SLC6A9: variants seen among roughly 807,000 people sequenced by gnomAD.
The protein encoded by SLC6A9 is sodium- and chloride-dependent glycine transporter 1.
In SLC6A9, 31 loss-of-function variants were observed where a neutral mutation model predicts 70.9. The observed-to-expected ratio is 0.44, with a 90% CI of 0.33 to 0.59. The LOEUF (loss-of-function observed/expected upper bound fraction) is 0.59, where lower values mean the gene tolerates loss of function less well. Ranked by LOEUF, SLC6A9 falls within the 20% of genes least tolerant of loss-of-function variation. SLC6A9 has a pLI of 0.04. For synonymous variants in SLC6A9, 310 were observed against 341.3 expected (o/e 0.91, Z 1.01); for missense variants, 631 against 845.2 (o/e 0.75, Z 3.14).
In SLC6A9 at chr1:44,009,151, C is replaced by T. The variant is rs112823011; in HGVS notation, c.320-528G>A. Among the ~76,000 whole-genome samples the T allele has an allele frequency of 3.3e-5, 5 of 151,520 alleles. No individual in the cohort carries two copies. The East Asian group carries it at 5.8e-4, about 18-fold the overall frequency. On this transcript the variant is annotated intron_variant, in intron 4 of 13. Transcript: ENST00000372310. Reference sequence around the variant, plus strand: ...AAGCGATTCTCCTGCCTCAGCCTCCCGAGTAGCTGGGATTAGAGGCATGCG... The same window carrying T: ...AAGCGATTCTCCTGCCTCAGCCTCCTGAGTAGCTGGGATTAGAGGCATGCG...
intron 5 of SLC6A9, among the ~76,000 whole-genome samples, chr1:44,004,434 C>T (rs934829261): frequency 1.3e-5 from 2 of 152,208 alleles, no homozygotes; most frequent in Admixed American, 1.3e-4. Flanking sequence ...CAGCCTCGAC[C>T]TCCCAGTCTC....
At chr1:44,005,399 G>A (rs564963991) in intron 5 of SLC6A9, among the ~76,000 whole-genome samples, 4 of 152,172 alleles carry the variant, frequency 2.6e-5, no homozygotes, top group South Asian at 2.1e-4. Context: ...AGCTTCTCTC[G>A]CTTTAGAGTC....
At position 44,002,476 on chromosome 1, in the gene SLC6A9, C is replaced by T. The variant is rs1163624162; in HGVS notation, c.858+36G>A. On this transcript the variant is annotated intron_variant, in intron 7 of 13. Coordinates refer to ENST00000372310, the MANE Select transcript of SLC6A9 (RefSeq NM_001024845.3). This position sits in a 1 kb window ranked among gnomAD's most constrained non-coding sequence, Gnocchi z 5.5. ...GCAGAGGCAGGCACCTCCCTGGCCC[C>T]TCCCCAGCCCCCTTCCGGTTTCCCT... The T allele has an allele frequency of 1.2e-6, 2 of 1,613,926 alleles. No homozygotes were observed. The highest frequency in any genetic ancestry group is 1.7e-6 in the Non-Finnish European group (2 of 1,179,840).
rs530129206 is a variant in SLC6A9 at position 44,014,466 on chromosome 1, C to T, written c.31-3584G>A. On this transcript the variant is annotated intron_variant, in intron 2 of 13. Coordinates refer to ENST00000372310, the MANE Select transcript of SLC6A9 (RefSeq NM_001024845.3). ...ACACATATACACCCATACACACACACACACACCCCTCAGATGTTCCCTTAC... is the reference window on the plus strand; with the variant it reads ...ACACATATACACCCATACACACACATACACACCCCTCAGATGTTCCCTTAC... Among the ~76,000 whole-genome samples, 17 of 152,198 alleles carry T rather than the reference C, an allele frequency of 1.1e-4. No homozygotes were observed. In the South Asian group the frequency reaches 3.5e-3, roughly 32 times the overall value.
In SLC6A9 at chr1:43,998,241, G is replaced by T. The variant is rs1489914667; in HGVS notation, c.1537-216C>A. 5.9e-5 allele frequency among the ~76,000 whole-genome samples: 9 copies of T among 152,228 alleles called. No individual in the cohort carries two copies. In the South Asian group the frequency reaches 1.7e-3, roughly 28 times the overall value. ...TGGGAAGGCTCTGCGGAAGGGAGAA[G>T]TCTGTCTTTGCCACAGTCCTGAACT... On this transcript the variant is annotated intron_variant, in intron 12 of 13. Coordinates refer to ENST00000372310, the MANE Select transcript of SLC6A9 (RefSeq NM_001024845.3).
intron 5 of SLC6A9, among the ~76,000 whole-genome samples, chr1:44,007,414 C>T (rs1450826469): frequency 1.3e-5 from 2 of 152,206 alleles, no homozygotes; most frequent in African/African-American, 4.8e-5. Flanking sequence ...CCCCAAAGCC[C>T]TCTGCCCAGG....
chr1:44,008,984 T>A (rs1212483802), intron 4 of SLC6A9, among the ~76,000 whole-genome samples: 1 of 149,250 alleles, frequency 6.7e-6, no homozygotes, highest in Non-Finnish European at 1.5e-5. Context: ...CCTCCCGAAG[T>A]GCTGGGATTA....
At position 44,010,002 on chromosome 1, in the gene SLC6A9, C is replaced by A; in HGVS notation, c.282G>T (p.Gly94=). The A allele has an allele frequency of 6.2e-7, 1 of 1,614,086 alleles. No individual in the cohort carries two copies. The highest frequency in any genetic ancestry group is 8.5e-7 in the Non-Finnish European group (1 of 1,179,968). Residue 94 remains glycine (G), a synonymous_variant, in exon 4 of 14, where the codon GGG becomes GGT. Coordinates refer to ENST00000372310, the MANE Select transcript of SLC6A9 (RefSeq NM_001024845.3). ...ELSFGQFASQ[G]CLGVWRISPM... is the part of the protein sequence containing the mutation. ...GGCTGATCCTCCAGACCCCCAGGCACCCCTGGCTTGCAAACTGGCCGAAGG... is the reference window on the plus strand; with the variant it reads ...GGCTGATCCTCCAGACCCCCAGGCAACCCTGGCTTGCAAACTGGCCGAAGG...
At position 43,997,648 on chromosome 1, in the gene SLC6A9, G is replaced by A. The variant is rs764173227; in HGVS notation, c.1799C>T (p.Ser600Phe). Residue 600 changes from serine (S) to phenylalanine (F), a missense_variant, in exon 14 of 14, where the codon TCT becomes TTT. Ser to Phe is a radical substitution (Grantham distance 155, BLOSUM62 -2). Transcript: ENST00000372310. This position sits in a 1 kb window ranked among gnomAD's most constrained non-coding sequence, Gnocchi z 4.4. Reference protein sequence around the residue: ...TGRYAPTIAPSPEDGFEVQPL... With the variant: ...TGRYAPTIAPFPEDGFEVQPL... ...CTGGACCTCGAAGCCGTCCTCAGGAGAGGGGGCTATGGTGGGGGCGTAGCG... is the reference window on the plus strand; with the variant it reads ...CTGGACCTCGAAGCCGTCCTCAGGAAAGGGGGCTATGGTGGGGGCGTAGCG... 3 of 1,614,066 alleles carry A rather than the reference G, an allele frequency of 1.9e-6. No homozygotes were observed. Among genetic ancestry groups the A allele is most frequent in the Admixed American group, 3.3e-5 (2 of 60,004 alleles).
intron 12 of SLC6A9, among the ~76,000 whole-genome samples, 155 bp from the exon 13 acceptor site, chr1:43,998,180 A>G (rs1230377595): frequency 1.3e-5 from 2 of 152,212 alleles, no homozygotes; most frequent in African/African-American, 4.8e-5. Context: ...GGGCCGTGGA[A>G]GAAGCAGGCA....
In SLC6A9 at chr1:44,002,787, C is replaced by T; in HGVS notation, c.723+66G>A. On this transcript the variant is annotated intron_variant, in intron 6 of 13. Transcript: ENST00000372310. This position sits in a 1 kb window ranked among gnomAD's most constrained non-coding sequence, Gnocchi z 5.5. ...CAGCATCCCCTCCCTGCAATACACA[C>T]ATAACCCAGGTAGGGGGCAGGGTCT... 1 of 1,602,572 alleles carries T rather than the reference C, an allele frequency of 6.2e-7. No individual in the cohort carries two copies. Among genetic ancestry groups the T allele is most frequent in the Non-Finnish European group, 8.5e-7 (1 of 1,170,852 alleles).
intron 2 of SLC6A9, chr1:44,017,446 C>T (rs1278675833): frequency 5.1e-6 from 5 of 971,052 alleles, no homozygotes; most frequent in African/African-American, 1.8e-5. Flanking sequence ...GGCTCACTCC[C>T]CCCACGGAGC....
chr1:44,009,574 G>C (rs559515485), intron 4 of SLC6A9, among the ~76,000 whole-genome samples: 98 of 151,732 alleles, frequency 6.5e-4, no homozygotes, highest in Non-Finnish European at 1.1e-3. Flanking sequence ...CCTGACCTCA[G>C]GTGATCTGCC....
At chr1:44,028,800 A>G (rs549975390) in intron 1 of SLC6A9, among the ~76,000 whole-genome samples, 4 of 142,118 alleles carry the variant, frequency 2.8e-5, no homozygotes, top group Admixed American at 6.6e-5. Flanking sequence ...AGAAAGAAAG[A>G]AAGGAAGGAA....
intron 2 of SLC6A9, among the ~76,000 whole-genome samples, chr1:44,022,203 G>A (rs1435337328): frequency 7.2e-5 from 11 of 152,226 alleles, no homozygotes; most frequent in African/African-American, 2.7e-4. Context: ...GGGACACTGG[G>A]AGCCATGCCC....
At position 44,019,474 on chromosome 1, in the gene SLC6A9, G is replaced by A. The variant is rs187808497; in HGVS notation, c.30+4774C>T. 1.1e-3 allele frequency among the ~76,000 whole-genome samples: 171 copies of A among 152,356 alleles called. 1 individual carries two copies. The highest frequency in any genetic ancestry group is 4.0e-3 in the African/African-American group (165 of 41,592). On this transcript the variant is annotated intron_variant, in intron 2 of 13. Transcript: ENST00000372310. ...CACACTCCCCTGACTTCCCATGGGC[G>A]CAGACTGAGGGCCAAGGCGCTGGCT...
intron 5 of SLC6A9, among the ~76,000 whole-genome samples, chr1:44,007,786 CCT>C (rs1026109142): frequency 3.3e-5 from 5 of 152,288 alleles, no homozygotes; most frequent in African/African-American, 7.2e-5. Context: ...CCCCCTTTCC[CCT>C]GAGTCTCCTC....
At chr1:44,019,377 G>A (rs759673412) in intron 2 of SLC6A9, among the ~76,000 whole-genome samples, 1 of 152,230 alleles carries the variant, frequency 6.6e-6, no homozygotes, top group South Asian at 2.1e-4. Context: ...TCAAGCAAGT[G>A]TCCTAAGGAT....
At chr1:44,022,722 C>CTTTTTTTTTTTTTTTTTTTTTTTTTT (rs71307650) in intron 2 of SLC6A9, among the ~76,000 whole-genome samples, 1 of 118,956 alleles carries the variant, frequency 8.4e-6, no homozygotes, top group Non-Finnish European at 1.7e-5. Context: ...TTCTTTCTTT[C>CTTTTTTTTTTTTTTTTTTTTTTTTTT]TTTTTTTTTT....
Sources: allele counts gnomAD v4.1 joint callset (sites outside exome capture counted in the v4.1 genomes callset), GRCh38; gene constraint gnomAD v4.1.1; non-coding constraint Gnocchi (gnomAD v3.1); transcripts MANE v1.5; gene names NCBI Gene and HGNC (gene_info 2026-07-23, HGNC 2026-07-21).